Variants in KAT6A observed in about 807,000 individuals in gnomAD.
KAT6A encodes the protein histone acetyltransferase KAT6A.
In KAT6A, 9 loss-of-function variants were observed where a neutral mutation model predicts 198.4. The observed-to-expected ratio is 0.05, with a 90% CI of 0.03 to 0.08. The LOEUF is 0.08. Ranked by LOEUF, KAT6A falls within the 10% of genes least tolerant of loss-of-function variation. The probability of loss-of-function intolerance (pLI) is 1.00; values close to 1 mark genes in which losing one functional copy is unlikely to be tolerated. For missense variants in KAT6A, 2,077 were observed against 2,509.9 expected, an observed-to-expected ratio of 0.83 and a Z score of 3.69; for synonymous variants, 890 against 883.0, an observed-to-expected ratio of 1.01 and a Z score of -0.14.
intron 2 of KAT6A, among the ~76,000 whole-genome samples, chr8:42,015,079 A>C (rs1234889308): frequency 6.6e-6 from 1 of 152,228 alleles, no homozygotes; most frequent in Non-Finnish European, 1.5e-5. Context: ...GTAAGGCAGA[A>C]GAGAGGAGAA....
intron 8 of KAT6A, among the ~76,000 whole-genome samples, chr8:41,969,667 A>T (rs60116794): frequency 0.11 from 17,212 of 152,180 alleles, 1,233 homozygotes; most frequent in East Asian, 0.24. Flanking sequence ...TTAATGAAAC[A>T]GATCTTGCTG....
At chr8:42,039,096 C>T (rs1034309948) in intron 2 of KAT6A, among the ~76,000 whole-genome samples, 1 of 152,120 alleles carries the variant, frequency 6.6e-6, no homozygotes, top group African/African-American at 2.4e-5. Context: ...CTTTCATTTT[C>T]CTGGGAACCA....
chr8:41,961,995 T>C (rs1823225803), intron 8 of KAT6A, among the ~76,000 whole-genome samples: 2 of 152,180 alleles, frequency 1.3e-5, no homozygotes, highest in African/African-American at 4.8e-5. Context: ...CAGTCAATTT[T>C]CAGTTCTCTT....
At chr8:42,046,438 A>G (rs959185308) in intron 2 of KAT6A, among the ~76,000 whole-genome samples, 72 of 152,156 alleles carry the variant, frequency 4.7e-4, no homozygotes, top group Non-Finnish European at 2.2e-4. Flanking sequence ...TGGGAGGCTG[A>G]GGCAAGAGAA....
At chr8:41,984,625 A>G (rs1824515009) in intron 3 of KAT6A, among the ~76,000 whole-genome samples, 1 of 152,230 alleles carries the variant, frequency 6.6e-6, no homozygotes, top group Admixed American at 6.5e-5. Flanking sequence ...GATTTAGAGT[A>G]ATTTATTTCT....
intron 2 of KAT6A, among the ~76,000 whole-genome samples, chr8:42,036,983 C>G (rs143968197): frequency 6.6e-6 from 1 of 152,220 alleles, no homozygotes; most frequent in Non-Finnish European, 1.5e-5. Flanking sequence ...TAAAAAGTAC[C>G]TGCTTCTTCT....
chr8:41,962,842 A>G (rs1170469200), intron 8 of KAT6A, among the ~76,000 whole-genome samples: 2 of 152,254 alleles, frequency 1.3e-5, no homozygotes, highest in African/African-American at 2.4e-5. Context: ...TTCCTTGATC[A>G]TGCCAAGCAC....
intron 2 of KAT6A, among the ~76,000 whole-genome samples, chr8:42,012,621 C>A (rs1826076486): frequency 6.6e-6 from 1 of 152,130 alleles, no homozygotes; most frequent in African/African-American, 2.4e-5. Context: ...TGAGTTCAGT[C>A]CAGAAATACT....
chr8:42,009,632 C>T (rs1399665996), intron 2 of KAT6A, among the ~76,000 whole-genome samples: 1 of 151,800 alleles, frequency 6.6e-6, no homozygotes, highest in African/African-American at 2.4e-5. Flanking sequence ...GGTGCAGTGG[C>T]TCATGCCTGT....
At chr8:41,940,248 T>G (rs1254828616) in intron 15 of KAT6A, among the ~76,000 whole-genome samples, 4 of 152,208 alleles carry the variant, frequency 2.6e-5, no homozygotes, top group African/African-American at 9.7e-5. Context: ...ATTTAATAAC[T>G]AATTGGCTAT....
At chr8:41,935,508 T>C (rs1317050449) in intron 16 of KAT6A, among the ~76,000 whole-genome samples, 1 of 152,144 alleles carries the variant, frequency 6.6e-6, no homozygotes, top group African/African-American at 2.4e-5. Context: ...CAAGAAAAAA[T>C]TAAAGCACCA....
intron 8 of KAT6A, among the ~76,000 whole-genome samples, chr8:41,961,645 C>A (rs1278691991): frequency 1.3e-5 from 2 of 148,406 alleles, no homozygotes; most frequent in South Asian, 2.2e-4. Flanking sequence ...ACCAGCTACT[C>A]GGGAGGCTGA....
intron 2 of KAT6A, among the ~76,000 whole-genome samples, chr8:42,021,376 G>A (rs1338868512): frequency 6.6e-6 from 1 of 152,044 alleles, no homozygotes; most frequent in African/African-American, 2.4e-5. Flanking sequence ...CTCTATTTTT[G>A]AAACAGGCTA....
chr8:41,997,125 G>A (rs1281928231), intron 2 of KAT6A, among the ~76,000 whole-genome samples: 2 of 152,190 alleles, frequency 1.3e-5, no homozygotes, highest in East Asian at 3.8e-4. Flanking sequence ...TCACGACAGT[G>A]TGAATGTACT....
At chr8:41,983,201 T>G (rs1824445362) in intron 3 of KAT6A, among the ~76,000 whole-genome samples, 3 of 151,772 alleles carry the variant, frequency 2.0e-5, no homozygotes, top group Admixed American at 2.0e-4. Context: ...CCTCTAAAAG[T>G]TGGTCGTGCT....
chr8:41,959,148 C>CA (rs1245471164), intron 8 of KAT6A, among the ~76,000 whole-genome samples: 11 of 50,322 alleles, frequency 2.2e-4, no homozygotes, highest in Non-Finnish European at 3.3e-4. Context: ...GTGACAGAGC[C>CA]AGACTGTCTC....
At chr8:41,942,327 T>G (rs1822180023) in intron 14 of KAT6A, 1 of 233,048 alleles carries the variant, frequency 4.3e-6, no homozygotes, top group Non-Finnish European at 8.5e-6. Flanking sequence ...GGGTTTTTTT[T>G]GTAGAGATGG....
At chr8:41,991,613 G>C (rs1007052883) in intron 2 of KAT6A, among the ~76,000 whole-genome samples, 1 of 152,108 alleles carries the variant, frequency 6.6e-6, no homozygotes, top group South Asian at 2.1e-4. Context: ...ATTTTAATTA[G>C]AGTTAAATTT....
chr8:41,958,264 T>C (rs562876871), intron 8 of KAT6A: 1 of 152,340 alleles, frequency 6.6e-6, no homozygotes, highest in African/African-American at 2.4e-5. Flanking sequence ...GGAGCACCTA[T>C]TGTGCTAGAC....
Sources: gnomAD v4.1 joint callset for allele counts (sites outside exome capture counted in the v4.1 genomes callset) on GRCh38, gnomAD v4.1.1 for gene constraint, MANE v1.5 for transcripts, NCBI Gene and HGNC (gene_info 2026-07-23, HGNC 2026-07-21) for gene names.